The following HTR2C variants were observed in gnomAD, a reference collection of about 807,000 sequenced individuals.
HTR2C encodes 5-hydroxytryptamine receptor 2C.
A neutral mutation model predicts 21.0 loss-of-function variants in HTR2C; 5 were observed. That is an observed-to-expected ratio of 0.24 (90% CI 0.12 to 0.50). The LOEUF (loss-of-function observed/expected upper bound fraction) is 0.50. HTR2C is among the 20% of genes least tolerant of loss of function. The pLI is 0.98. For missense variants in HTR2C, 271 were observed against 371.2 expected (o/e 0.73, Z 2.22); for synonymous variants, 150 against 145.3 (o/e 1.03, Z -0.23).
At chrX:114,849,890 G>A (rs2070902919) in intron 5 of HTR2C, among the ~76,000 whole-genome samples, 1 of 111,785 alleles carries the variant, frequency 8.9e-6, no homozygotes, top group African/African-American at 3.2e-5. Flanking sequence ...GATATATGAG[G>A]AGACAATACA....
At chrX:114,857,897 A>G (rs911250392) in intron 5 of HTR2C, among the ~76,000 whole-genome samples, 1 of 111,065 alleles carries the variant, frequency 9.0e-6, no homozygotes, top group Non-Finnish European at 1.9e-5. Context: ...GTCTGATGCG[A>G]GCTAGAGATT....
In HTR2C at chrX:114,856,180, CACAA is replaced by C. The variant is rs781857047; in HGVS notation, c.550+7981_550+7984del. ...CAAGCATTCTTATACACCAACAACA[CACAA>C]ACAGAGAGACAAATCATGAGTGAAC... On this transcript the variant is annotated intron_variant, in intron 5 of 5. Transcript: ENST00000276198. Among the ~76,000 whole-genome samples the C allele has an allele frequency of 7.4e-4, 80 of 108,789 alleles. 1 individual carries two copies. The highest frequency in any genetic ancestry group is 1.2e-3 in the East Asian group (4 of 3,425). The allele number at this position is 108,789 out of a possible 115,157, so 94.5% of individuals were successfully genotyped here.
At chrX:114,607,038 A>G (rs1162882643) in intron 1 of HTR2C, among the ~76,000 whole-genome samples, 3 of 108,507 alleles carry the variant, frequency 2.8e-5, no homozygotes. Flanking sequence ...AGGATGATCC[A>G]GGAAAAGGAC....
At chrX:114,748,040 C>A in intron 4 of HTR2C, among the ~76,000 whole-genome samples, 1 of 111,488 alleles carries the variant, frequency 9.0e-6, no homozygotes, top group Admixed American at 9.5e-5. Context: ...TCACAGATAA[C>A]TAAAATAATT....
At chrX:114,641,894 AC>A (rs1556406560) in intron 2 of HTR2C, among the ~76,000 whole-genome samples, 1 of 108,393 alleles carries the variant, frequency 9.2e-6, no homozygotes. Context: ...CCCTCCCCTT[AC>A]CCCCACTCCC....
intron 2 of HTR2C, among the ~76,000 whole-genome samples, chrX:114,625,334 G>A: frequency 1.8e-5 from 2 of 111,601 alleles, no homozygotes; most frequent in Admixed American, 1.9e-4. Flanking sequence ...TTGAGAATGG[G>A]GCCTAATGGG....
At chrX:114,647,349 A>G (rs1422566967) in intron 2 of HTR2C, among the ~76,000 whole-genome samples, 1 of 112,188 alleles carries the variant, frequency 8.9e-6, no homozygotes, top group Non-Finnish European at 1.9e-5. Flanking sequence ...TATCCCATAA[A>G]TGCATACAAT....
chrX:114,864,625 CAGTGAGTTTTGTATTTACCTCTACT>C (rs1556474018), intron 5 of HTR2C, among the ~76,000 whole-genome samples: 1 of 111,297 alleles, frequency 9.0e-6, no homozygotes, highest in East Asian at 2.8e-4. Context: ...TTACCTCTAC[CAGTGAGTTTTGTATTTACCTCTACT>C]AGTGAGTTTT....
chrX:114,831,542 GTTGT>G, intron 4 of HTR2C, among the ~76,000 whole-genome samples: 1 of 90,055 alleles, frequency 1.1e-5, no homozygotes, highest in East Asian at 3.9e-4. Flanking sequence ...TTTTGATGGG[GTTGT>G]TTGTTTTTTT....
intron 2 of HTR2C, among the ~76,000 whole-genome samples, chrX:114,688,429 A>G (rs1931996267): frequency 9.0e-6 from 1 of 111,650 alleles, no homozygotes; most frequent in Non-Finnish European, 1.9e-5. Context: ...CTATGTAGAA[A>G]AATGAATTTT....
chrX:114,895,151 A>G (rs1262080676), intron 5 of HTR2C, among the ~76,000 whole-genome samples: 1 of 112,346 alleles, frequency 8.9e-6, no homozygotes, highest in East Asian at 2.8e-4. Flanking sequence ...TAGAAAGTGT[A>G]CATCCCTTCT....
intron 2 of HTR2C, among the ~76,000 whole-genome samples, chrX:114,652,308 T>G (rs888540982): frequency 9.0e-6 from 1 of 111,005 alleles, no homozygotes; most frequent in Non-Finnish European, 1.9e-5. Flanking sequence ...AATTAGAAAA[T>G]TTATTTTTAT....
intron 4 of HTR2C, among the ~76,000 whole-genome samples, chrX:114,746,096 C>T (rs1456640281): frequency 9.0e-6 from 1 of 111,095 alleles, no homozygotes; most frequent in Non-Finnish European, 1.9e-5. Flanking sequence ...ACACTATGTA[C>T]CTACAGCAAT....
chrX:114,721,367 T>G (rs1158399837), intron 2 of HTR2C, among the ~76,000 whole-genome samples: 1 of 92,861 alleles, frequency 1.1e-5, no homozygotes, highest in Non-Finnish European at 2.1e-5. Flanking sequence ...TGGGGTTGTT[T>G]GTTTTTTTCT....
At chrX:114,879,264 AATAAATGT>A in intron 5 of HTR2C, among the ~76,000 whole-genome samples, 1 of 35,720 alleles carries the variant, frequency 2.8e-5, no homozygotes, top group East Asian at 0.018. Context: ...CATATTATTA[AATAAATGT>A]TGTCTGAAAT....
At chrX:114,598,370 T>C (rs1260676748) in intron 1 of HTR2C, among the ~76,000 whole-genome samples, 1 of 111,737 alleles carries the variant, frequency 8.9e-6, no homozygotes, top group Non-Finnish European at 1.9e-5. Flanking sequence ...AAAGCCTCCA[T>C]GAGTCTGGAG....
chrX:114,864,744 G>C (rs2071032017), intron 5 of HTR2C, among the ~76,000 whole-genome samples: 1 of 111,289 alleles, frequency 9.0e-6, no homozygotes. Context: ...TTTCTTGTAA[G>C]TCAGGTTTCA....
At chrX:114,831,128 T>C (rs1330532128) in intron 4 of HTR2C, among the ~76,000 whole-genome samples, 1 of 90,482 alleles carries the variant, frequency 1.1e-5, no homozygotes, top group Non-Finnish European at 2.2e-5. Context: ...TCCAAGTCTT[T>C]GCTATTGTGA....
chrX:114,896,639 C>T (rs1249398949), intron 5 of HTR2C, among the ~76,000 whole-genome samples: 1 of 112,194 alleles, frequency 8.9e-6, no homozygotes, highest in African/African-American at 3.2e-5. Context: ...TACACTTTGT[C>T]TGACAATAAT....
Sources: allele counts gnomAD v4.1 joint callset (sites outside exome capture counted in the v4.1 genomes callset), GRCh38; gene constraint gnomAD v4.1.1; transcripts MANE v1.5; gene names NCBI Gene and HGNC (gene_info 2026-07-23, HGNC 2026-07-21).